The following ATM variants were observed in gnomAD, a reference collection of about 807,000 sequenced individuals.
The protein encoded by ATM is serine-protein kinase ATM.
ATM carries 308 observed loss-of-function variants against 387.0 expected under a neutral mutation model. That is an observed-to-expected ratio of 0.80 (90% CI 0.73 to 0.87). The LOEUF (loss-of-function observed/expected upper bound fraction) is 0.87, where lower values mean the gene tolerates loss of function less well. ATM is among the 40% of genes least tolerant of loss of function. The probability of loss-of-function intolerance (pLI) is 0.00; values close to 1 mark genes in which losing one functional copy is unlikely to be tolerated. For missense variants in ATM, 3,312 were observed against 3,560.9 expected, an observed-to-expected ratio of 0.93 and a Z score of 1.78; for synonymous variants, 1,156 against 1,187.3, an observed-to-expected ratio of 0.97 and a Z score of 0.54.
chr11:108,236,156 A>G (rs542079818), intron 5 of ATM: 1 of 364,078 alleles, frequency 2.7e-6, no homozygotes, highest in South Asian at 2.4e-5. Flanking sequence ...TGATACAGAC[A>G]TATTTGGGTT....
intron 56 of ATM, among the ~76,000 whole-genome samples, chr11:108,342,471 T>C (rs2087711806): frequency 6.6e-6 from 1 of 152,148 alleles, no homozygotes; most frequent in African/African-American, 2.4e-5. Context: ...TGTGTACATA[T>C]AGCTTTGAAA....
chr11:108,316,784 GGT>G (rs2084695490), intron 42 of ATM, among the ~76,000 whole-genome samples: 1 of 149,302 alleles, frequency 6.7e-6, no homozygotes, highest in African/African-American at 2.5e-5. Context: ...AAATTAGCCG[GGT>G]GTGGTGGCGG....
In ATM at chr11:108,247,130, A is replaced by G. The variant is rs1282724169; in HGVS notation, c.1065+3A>G. The G allele has an allele frequency of 1.2e-6, 2 of 1,613,624 alleles. No individual in the cohort carries two copies. The highest frequency in any genetic ancestry group is 1.1e-5 in the South Asian group (1 of 91,004). On this transcript the variant is annotated splice_donor_region_variant and intron_variant, in intron 8 of 62. Transcript: ENST00000675843. ...TGATGGCAGATATCTGTCACCAGGT[A>G]CAGTAAGTAGGTCATGTCACATTTA...
chr11:108,325,915 C>G (rs2136325968), intron 46 of ATM, 143 bp from the exon 47 acceptor site: 1 of 991,916 alleles, frequency 1.0e-6, no homozygotes, highest in Middle Eastern at 3.1e-4. Flanking sequence ...AGATGTCATG[C>G]AGACAGAGAG....
intron 56 of ATM, among the ~76,000 whole-genome samples, chr11:108,339,967 C>T (rs1448302310): frequency 2.0e-5 from 3 of 152,170 alleles, no homozygotes; most frequent in Non-Finnish European, 4.4e-5. Flanking sequence ...AATTTATATA[C>T]CTACGTTGGG....
At chr11:108,225,985 T>A (rs2078717623) in intron 1 of ATM, 1 of 152,168 alleles carries the variant, frequency 6.6e-6, no homozygotes, top group Non-Finnish European at 1.5e-5. Flanking sequence ...TTTCCCTACC[T>A]TTTTACTTCT....
rs1476881353 is a variant in ATM at position 108,365,120 on chromosome 11, T to A, written c.8889T>A (p.Asn2963Lys). 1 of 1,614,076 alleles carries A rather than the reference T, an allele frequency of 6.2e-7. No homozygotes were observed. The highest frequency in any genetic ancestry group is 1.3e-5 in the African/African-American group (1 of 74,934). ...ATCCACTCTTTGACTGGACCATGAATCCTTTGAAAGCTTTGTATTTACAGC... is the reference window on the plus strand; with the variant it reads ...ATCCACTCTTTGACTGGACCATGAAACCTTTGAAAGCTTTGTATTTACAGC... ...LYDPLFDWTM[N>K]PLKALYLQQR... The change falls in exon 62 of 63, where the codon AAT becomes AAA. Residue 2963 changes from asparagine (N) to lysine (K), a missense_variant. Coordinates refer to ENST00000675843, the MANE Select transcript of ATM (RefSeq NM_000051.4).
chr11:108,292,178 C>G (rs1315399910), intron 29 of ATM, among the ~76,000 whole-genome samples: 1 of 152,188 alleles, frequency 6.6e-6, no homozygotes, highest in Non-Finnish European at 1.5e-5. Flanking sequence ...CTACTTAGCT[C>G]CATGAACTAC....
At position 108,272,520 on chromosome 11, in the gene ATM, A is replaced by T. The variant is rs1555085749; in HGVS notation, c.3078-12A>T. The stretch of plus-strand genomic sequence containing the variant: ...ATGATTATTTAACTTTGGAAAACTT[A>T]CTTGATTTCAGGCATCTAACAAAGG... On this transcript the variant is annotated splice_polypyrimidine_tract_variant and intron_variant, in intron 20 of 62. Transcript: ENST00000675843. 2.5e-6 allele frequency: 4 copies of T among 1,599,844 alleles called. No homozygotes were observed.
At chr11:108,232,763 A>T in intron 4 of ATM, among the ~76,000 whole-genome samples, 1 of 151,254 alleles carries the variant, frequency 6.6e-6, no homozygotes, top group African/African-American at 2.4e-5. Context: ...CTGGTCTCAA[A>T]CTCCTGGCCT....
At chr11:108,361,932 G>A (rs1411720778) in intron 61 of ATM, among the ~76,000 whole-genome samples, 1 of 144,888 alleles carries the variant, frequency 6.9e-6, no homozygotes, top group Non-Finnish European at 1.5e-5. Context: ...GGCAACAAAA[G>A]CCAAAATTGA....
At position 108,304,828 on chromosome 11, in the gene ATM, A is replaced by G. The variant is rs1555107562; in HGVS notation, c.5650A>G (p.Thr1884Ala). The G allele has an allele frequency of 2.5e-6, 4 of 1,614,120 alleles. No homozygotes were observed. The highest frequency in any genetic ancestry group is 3.4e-6 in the Non-Finnish European group (4 of 1,180,010). Residue 1884 changes from threonine to alanine, a missense_variant, in exon 37 of 63, where the codon ACA (threonine) becomes GCA (alanine). Physicochemically the swap from Thr to Ala is moderately conservative, Grantham distance 58. Coordinates refer to ENST00000675843, the MANE Select transcript of ATM (RefSeq NM_000051.4). ...LRHFSQTSRS[T>A]TPANLDSESE... ...ACACTTCTCGCAAACGAGCCGATCCACAACCCCTGCAAACTTGGATTCAGG... is the reference window on the plus strand; with the variant it reads ...ACACTTCTCGCAAACGAGCCGATCCGCAACCCCTGCAAACTTGGATTCAGG...
intron 6 of ATM, among the ~76,000 whole-genome samples, chr11:108,244,432 A>G (rs1380922753): frequency 6.6e-6 from 1 of 152,210 alleles, no homozygotes; most frequent in African/African-American, 2.4e-5. Flanking sequence ...ATAAAATAAA[A>G]TAGGAAAATA....
At position 108,359,473 on chromosome 11, in the gene ATM, C is replaced by T. The variant is rs561889688; in HGVS notation, c.8850+4599C>T. On this transcript the variant is annotated intron_variant, in intron 61 of 62. Transcript: ENST00000675843. ...AATAGACATCTACAGAACTCTCCAC[C>T]CCAAATCAACAGAATATACATTTTT... is the stretch of plus-strand genomic sequence containing the variant. Among the ~76,000 whole-genome samples, 4 of 152,122 alleles carry T rather than the reference C, an allele frequency of 2.6e-5. No homozygotes were observed. The East Asian group carries it at 5.8e-4, about 22-fold the overall frequency.
intron 16 of ATM, among the ~76,000 whole-genome samples, chr11:108,265,246 C>G (rs937962893): frequency 4.3e-4 from 65 of 152,046 alleles, no homozygotes; most frequent in Admixed American, 9.2e-4. Flanking sequence ...TACAAGGCTG[C>G]AGTAACCAAA....
rs730881375 is a variant in ATM at position 108,304,852 on chromosome 11, G to A, written c.5674G>A (p.Glu1892Lys). 5 of 1,613,654 alleles carry A rather than the reference G, an allele frequency of 3.1e-6. No homozygotes were observed. In the Admixed American group the frequency reaches 8.3e-5, roughly 27 times the overall value. Residue 1892 changes from glutamate to lysine, a missense_variant and splice_region_variant, in exon 37 of 63, where the codon GAG becomes AAG. Glu to Lys is a moderately conservative substitution (Grantham distance 56, BLOSUM62 1). Transcript: ENST00000675843. Reference protein sequence around the residue: ...RSTTPANLDSESEHFFRCCLD... With the variant: ...RSTTPANLDSKSEHFFRCCLD... ...CACAACCCCTGCAAACTTGGATTCA[G>A]GTATTCTATTAAATTTTTAACATTA...
intron 5 of ATM, among the ~76,000 whole-genome samples, chr11:108,237,969 C>T (rs2079376228): frequency 6.9e-6 from 1 of 143,938 alleles, no homozygotes; most frequent in South Asian, 2.2e-4. Context: ...CTCTGTTGCC[C>T]AGGCTGGAGT....
intron 30 of ATM, among the ~76,000 whole-genome samples, chr11:108,293,037 C>G (rs377496758): frequency 1.3e-5 from 2 of 152,100 alleles, no homozygotes; most frequent in South Asian, 4.1e-4. Flanking sequence ...GATAGCAGTT[C>G]GCAACGTTAT....
rs533830556 is a variant in ATM at position 108,320,063 on chromosome 11, T to A, written c.6452+5T>A. ...TGAAAGTCTCAAATATGCCAGGTAT[T>A]ATGAAAAGACAAAGTTACTGTATTT... is the stretch of plus-strand genomic sequence containing the variant. On this transcript the variant is annotated splice_donor_5th_base_variant and intron_variant, in intron 44 of 62. Transcript: ENST00000675843. 1.8e-5 allele frequency: 28 copies of A among 1,565,198 alleles called. No individual in the cohort carries two copies. The South Asian group carries it at 2.2e-4, about 12-fold the overall frequency.
Sources: allele counts gnomAD v4.1 joint callset (sites outside exome capture counted in the v4.1 genomes callset), GRCh38; gene constraint gnomAD v4.1.1; transcripts MANE v1.5; gene names NCBI Gene and HGNC (gene_info 2026-07-23, HGNC 2026-07-21).